Variants in SDK2 observed in about 807,000 individuals in gnomAD.
The protein encoded by SDK2 is sidekick cell adhesion molecule 2.
In SDK2, 105 loss-of-function variants were observed where a neutral mutation model predicts 253.9. The ratio of observed to expected loss-of-function variants is 0.41; its 90% CI spans 0.35 to 0.49. SDK2 has a LOEUF of 0.49. Ranked by LOEUF, SDK2 falls within the 20% of genes least tolerant of loss-of-function variation. SDK2 has a pLI of 0.06. For missense variants in SDK2, 2,608 were observed against 3,003.0 expected (o/e 0.87, Z 3.07); for synonymous variants, 1,249 against 1,234.9 (o/e 1.01, Z -0.24).
intron 1 of SDK2, among the ~76,000 whole-genome samples, chr17:73,514,843 C>T (rs948003039): frequency 2.0e-5 from 3 of 152,170 alleles, no homozygotes; most frequent in Non-Finnish European, 1.5e-5. Context: ...GCCCCACCAC[C>T]GTGTCCTGGA....
Position 73,361,667 on chromosome 17 carries a change from G to A in SDK2, c.5467+17C>T. 6.2e-7 allele frequency: 1 copy of A among 1,606,200 alleles called. No homozygotes were observed. The highest frequency in any genetic ancestry group is 1.1e-5 in the South Asian group (1 of 90,818). On this transcript the variant is annotated intron_variant, in intron 39 of 44. Coordinates refer to ENST00000392650, the MANE Select transcript of SDK2 (RefSeq NM_001144952.2). The surrounding 1 kb of genome is among the most constrained non-coding windows in gnomAD (Gnocchi z 4.1). ...AACCGCCGTGTGGAAGACATGCCTG[G>A]TCCGTTGCTCTCCTACCTTCTCCGG...
At chr17:73,409,855 C>CTCTG (rs1047104818) in intron 18 of SDK2, among the ~76,000 whole-genome samples, 3 of 150,202 alleles carry the variant, frequency 2.0e-5, no homozygotes, top group Admixed American at 6.6e-5. Context: ...CTGTCTCTGT[C>CTCTG]TCTCTCTTTC....
intron 17 of SDK2, 21 bp from the exon 18 acceptor site, chr17:73,414,780 G>C: frequency 6.6e-7 from 1 of 1,521,964 alleles, no homozygotes; most frequent in Non-Finnish European, 9.1e-7. Flanking sequence ...TGAGAGAACG[G>C]GGTGGGGTGG....
At position 73,419,217 on chromosome 17, in the gene SDK2, T is replaced by A. The variant is rs2063207689; in HGVS notation, c.2135A>T (p.Gln712Leu). Residue 712 changes from glutamine to leucine, a missense_variant, in exon 16 of 45, where the codon CAG becomes CTG. Transcript: ENST00000392650. ...ATTCTGGTGGCTCTCAGGAGGCGGC[T>A]GCCACTGGATCATGATGGACTGGTT... ...RTNQSIMIQWQPPPESHQNGI... is the reference protein window; with the variant it reads ...RTNQSIMIQWLPPPESHQNGI... 1 of 1,612,604 alleles carries A rather than the reference T, an allele frequency of 6.2e-7. No homozygotes were observed. Among genetic ancestry groups the A allele is most frequent in the Non-Finnish European group, 8.5e-7 (1 of 1,179,520 alleles).
chr17:73,374,086 C>A (rs4969116), intron 36 of SDK2, among the ~76,000 whole-genome samples: 4,074 of 145,332 alleles, frequency 0.028, 381 homozygotes, highest in East Asian at 0.093. Flanking sequence ...GGTTCTCCCT[C>A]CTTCTGGAAG....
At chr17:73,375,230 C>CTTTTTTTTTTT (rs33992958) in intron 36 of SDK2, among the ~76,000 whole-genome samples, 2 of 58,578 alleles carry the variant, frequency 3.4e-5, no homozygotes, top group African/African-American at 1.4e-4. Flanking sequence ...TCCTAACAAC[C>CTTTTTTTTTTT]TTTTTTTTTT....
Position 73,352,620 on chromosome 17 carries a change from T to G in SDK2, c.5611A>C (p.Ile1871Leu), listed in dbSNP as rs758897122. Residue 1871 changes from isoleucine (I) to leucine (L), a missense_variant, in exon 41 of 45, where the codon ATC becomes CTC. Around this residue, in one of 2 missense-constraint regions of SDK2, gnomAD observed 1,103 missense variants for 1,143.9 expected, o/e 0.96. Coordinates refer to ENST00000392650, the MANE Select transcript of SDK2 (RefSeq NM_001144952.2). This position sits in a 1 kb window ranked among gnomAD's most constrained non-coding sequence, Gnocchi z 4.1. Reference protein sequence around the residue: ...ARPSDEGLWDILIKDIPKEVS... With the variant: ...ARPSDEGLWDLLIKDIPKEVS... The stretch of plus-strand genomic sequence containing the variant: ...TCCTTGGGGATGTCTTTGATGAGGA[T>G]GTCCCATAGTCCCTCGTCTGCAGGA... 7.4e-6 allele frequency: 12 copies of G among 1,613,878 alleles called. No individual in the cohort carries two copies. The Admixed American group carries it at 2.0e-4, about 27-fold the overall frequency.
chr17:73,355,195 T>TTTTTTTTTTTTTG (rs1264124736), intron 40 of SDK2, among the ~76,000 whole-genome samples: 1 of 125,190 alleles, frequency 8.0e-6, no homozygotes, highest in Non-Finnish European at 1.7e-5. Context: ...TTTTTTTTTT[T>TTTTTTTTTTTTTG]AGACGGAGTC....
chr17:73,361,919 G>A lies in SDK2; in HGVS notation c.5306-74C>T. On this transcript the variant is annotated intron_variant, in intron 38 of 44. Coordinates refer to ENST00000392650, the MANE Select transcript of SDK2 (RefSeq NM_001144952.2). This position sits in a 1 kb window ranked among gnomAD's most constrained non-coding sequence, Gnocchi z 4.1. ...CACTGGAGGCCATGGGGAAGGGGAAGCGGCCGTGGCCTGGGCCCCGGGACC... is the reference window on the plus strand; with the variant it reads ...CACTGGAGGCCATGGGGAAGGGGAAACGGCCGTGGCCTGGGCCCCGGGACC... 1 of 1,454,592 alleles carries A rather than the reference G, an allele frequency of 6.9e-7. No homozygotes were observed. The highest frequency in any genetic ancestry group is 1.3e-5 in the South Asian group (1 of 76,964). The allele number at this position is 1,454,592 out of a possible 1,614,324, so 90.1% of individuals were successfully genotyped here. A position where few individuals can be genotyped will look rare whatever the true frequency, so the allele number is the denominator to read the frequency against.
chr17:73,480,546 C>T (rs939609474), intron 2 of SDK2, among the ~76,000 whole-genome samples: 15 of 152,082 alleles, frequency 9.9e-5, no homozygotes, highest in African/African-American at 3.1e-4. Flanking sequence ...CTCACCTGTT[C>T]GGTATGATCA....
chr17:73,375,893 C>G (rs12944777), intron 36 of SDK2, among the ~76,000 whole-genome samples: 1 of 151,728 alleles, frequency 6.6e-6, no homozygotes, highest in Non-Finnish European at 1.5e-5. Flanking sequence ...ATAAACTAAA[C>G]TAAAATAAAA....
At position 73,361,556 on chromosome 17, in the gene SDK2, G is replaced by A; in HGVS notation, c.5467+128C>T. ...GGGGGAGGGGTCACTGGGCACCAGG[G>A]GAAAGAGTGAGCTCTGTCCTCCACT... On this transcript the variant is annotated intron_variant, in intron 39 of 44. Coordinates refer to ENST00000392650, the MANE Select transcript of SDK2 (RefSeq NM_001144952.2). The surrounding 1 kb of genome is among the most constrained non-coding windows in gnomAD (Gnocchi z 4.1). 5 of 915,004 alleles carry A rather than the reference G, an allele frequency of 5.5e-6. No individual in the cohort carries two copies. The East Asian group carries it at 1.3e-4, about 24-fold the overall frequency. 56.7% of individuals were successfully genotyped at this position (915,004 alleles called of 1,614,324 possible).
chr17:73,473,297 G>A (rs949420166), intron 2 of SDK2, among the ~76,000 whole-genome samples: 4 of 152,240 alleles, frequency 2.6e-5, no homozygotes, highest in Non-Finnish European at 4.4e-5. Flanking sequence ...GTCAGTGAGA[G>A]GAGCTTCTGA....
chr17:73,342,601 G>C lies in SDK2; in HGVS notation c.6166-3661C>G, dbSNP rs565821488. Among the ~76,000 whole-genome samples, 106 of 152,220 alleles carry C rather than the reference G, an allele frequency of 7.0e-4. 3 individuals are homozygous for C. The highest frequency in any genetic ancestry group is 7.1e-4 in the Non-Finnish European group (48 of 68,042). On this transcript the variant is annotated intron_variant, in intron 44 of 44. Coordinates refer to ENST00000392650, the MANE Select transcript of SDK2 (RefSeq NM_001144952.2). ...TTCCACCCACTAACTGACTTGAACA[G>C]TTGTTAGCATCAGCTCCAGGGGTTC... is the stretch of plus-strand genomic sequence containing the variant.
chr17:73,381,621 C>T (rs762398109), intron 33 of SDK2, among the ~76,000 whole-genome samples: 1 of 152,160 alleles, frequency 6.6e-6, no homozygotes, highest in African/African-American at 2.4e-5. Context: ...TGGCTCATGC[C>T]TGTAATCTCA....
At position 73,348,712 on chromosome 17, in the gene SDK2, G is replaced by A; in HGVS notation, c.6052C>T (p.Pro2018Ser). 1 of 1,608,576 alleles carries A rather than the reference G, an allele frequency of 6.2e-7. No homozygotes were observed. ...GAGTAGTGCAGGCTGCCTGGGCTGGGCCTGGGGGGAGACCTGGAGAGAGCG... is the reference window on the plus strand; with the variant it reads ...GAGTAGTGCAGGCTGCCTGGGCTGGACCTGGGGGGAGACCTGGAGAGAGCG... ...NGLYTRSPPRPSPGSLHYSDE... is the reference protein window; with the variant it reads ...NGLYTRSPPRSSPGSLHYSDE... The change falls in exon 44 of 45, where the codon CCC (proline) becomes TCC (serine). Residue 2018 changes from proline to serine, a missense_variant. Transcript: ENST00000392650.
At position 73,398,814 on chromosome 17, in the gene SDK2, A is replaced by T. The variant is rs150594435; in HGVS notation, c.3093+354T>A. On this transcript the variant is annotated intron_variant, in intron 22 of 44. Coordinates refer to ENST00000392650, the MANE Select transcript of SDK2 (RefSeq NM_001144952.2). Reference sequence around the variant, plus strand: ...CCAGGCTGCCCCTCAAATCAGCTAAATCAGAATCAGAGTTTCTGGGGTAGG... The same window carrying T: ...CCAGGCTGCCCCTCAAATCAGCTAATTCAGAATCAGAGTTTCTGGGGTAGG... Among the ~76,000 whole-genome samples the T allele has an allele frequency of 2.3e-3, 350 of 152,240 alleles. 2 individuals carry two copies. The highest frequency in any genetic ancestry group is 8.1e-3 in the African/African-American group (338 of 41,546).
At chr17:73,583,871 G>A (rs1276806363) in intron 1 of SDK2, among the ~76,000 whole-genome samples, 2 of 152,104 alleles carry the variant, frequency 1.3e-5, no homozygotes, top group South Asian at 2.1e-4. Context: ...GCAGAGGGTG[G>A]TAGTGACTTC....
chr17:73,481,679 G>A lies in SDK2; in HGVS notation c.225-9461C>T, dbSNP rs573576851. 1.3e-5 allele frequency among the ~76,000 whole-genome samples: 2 copies of A among 152,182 alleles called. No homozygotes were observed. Among genetic ancestry groups the A allele is most frequent in the Non-Finnish European group, 2.9e-5 (2 of 68,030 alleles). On this transcript the variant is annotated intron_variant, in intron 2 of 44. Coordinates refer to ENST00000392650, the MANE Select transcript of SDK2 (RefSeq NM_001144952.2). The surrounding 1 kb of genome is among the most constrained non-coding windows in gnomAD (Gnocchi z 4.5). ...GGATGGCACAAAAAGGCGGAGGGAG[G>A]AGGAATGTGCTGTCTTGGGAGGAGA...
Sources: gnomAD v4.1 joint callset for allele counts (sites outside exome capture counted in the v4.1 genomes callset) on GRCh38, gnomAD v4.1.1 for gene constraint, gnomAD v4.1.1 regional missense constraint, Gnocchi (gnomAD v3.1) non-coding constraint, MANE v1.5 for transcripts, NCBI Gene and HGNC (gene_info 2026-07-23, HGNC 2026-07-21) for gene names.